IL25: variants seen among roughly 807,000 people sequenced by gnomAD.
The protein encoded by IL25 is interleukin 25, also known as interleukin-25.
A neutral mutation model predicts 13.2 loss-of-function variants in IL25; 10 were observed. The observed-to-expected ratio is 0.76, with a 90% CI of 0.47 to 1.29. IL25 has a LOEUF of 1.29. Among genes scored for constraint, IL25 ranks in the 50% most tolerant of loss-of-function variants. The pLI, the probability that IL25 is intolerant of heterozygous loss-of-function variation, is 0.00. For missense variants in IL25, 235 were observed against 232.4 expected (o/e 1.01, Z -0.07); for synonymous variants, 107 against 92.1 (o/e 1.16, Z -0.93).
exon 2 of IL25, chr14:23,375,667 C>T (rs766959581): frequency 8.0e-5 from 129 of 1,614,120 alleles, no homozygotes; most frequent in South Asian, 3.7e-4. Context: ...ACCTGTACCA[C>T]GCCCGTTGCC....
chr14:23,373,384 C>T (rs375583462), exon 1 of IL25: 4 of 1,609,914 alleles, frequency 2.5e-6, no homozygotes, highest in Non-Finnish European at 2.5e-6. Flanking sequence ...GCCATCTCCC[C>T]CTGGAGATAT....
chr14:23,373,382 C>T (rs780213427), exon 1 of IL25: 1 of 1,610,148 alleles, frequency 6.2e-7, no homozygotes, highest in South Asian at 1.1e-5. Flanking sequence ...GGGCCATCTC[C>T]CCCTGGAGAT....
Position 23,375,813 on chromosome 14 carries a change from G to T in IL25, c.467G>T (p.Cys156Phe). The change falls in exon 2 of 2, where the codon TGC becomes TTC. Residue 156 changes from cysteine to phenylalanine, a missense_variant. By Grantham distance (205) the Cys-to-Phe change is radical. Coordinates refer to ENST00000329715, the Ensembl canonical transcript of IL25. ...GAGAAGGGCACCCACAAGGGCTACT[G>T]CCTGGAGCGCAGGCTGTACCGTGTT... The T allele has an allele frequency of 6.2e-7, 1 of 1,614,262 alleles. No individual in the cohort carries two copies. Among genetic ancestry groups the T allele is most frequent in the Non-Finnish European group, 8.5e-7 (1 of 1,180,042 alleles).
intron 1 of IL25, 129 bp downstream of exon 2, chr14:23,373,525 A>G (rs1890469554): frequency 5.1e-6 from 4 of 780,058 alleles, no homozygotes; most frequent in Non-Finnish European, 8.0e-6. Context: ...TGGGAGTTAG[A>G]CAAGGTCTGT....
exon 1 of IL25, chr14:23,373,187 C>G (rs757289440): frequency 3.1e-6 from 5 of 1,614,220 alleles, no homozygotes; most frequent in Non-Finnish European, 4.2e-6. Context: ...TGGTTGCATT[C>G]TTGGCAATGG....
intron 1 of IL25, among the ~76,000 whole-genome samples, chr14:23,373,844 T>C (rs550349410): frequency 6.6e-6 from 1 of 152,316 alleles, no homozygotes; most frequent in South Asian, 2.1e-4. Flanking sequence ...GTTATAAGCA[T>C]ACTAAAGGAG....
exon 2 of IL25, chr14:23,376,073 C>G: frequency 1.4e-6 from 1 of 701,184 alleles, no homozygotes; most frequent in Non-Finnish European, 2.3e-6. Flanking sequence ...GCAGCTGCTG[C>G]TTAGGGCCGC....
exon 2 of IL25, chr14:23,375,787 C>T (rs779371825): frequency 1.4e-5 from 22 of 1,614,224 alleles, no homozygotes; most frequent in East Asian, 6.7e-5. Flanking sequence ...CATGCCATGG[C>T]GAGAAGGGCA....
exon 2 of IL25, chr14:23,375,841 C>T (rs1299928262): frequency 1.2e-6 from 2 of 1,614,240 alleles, no homozygotes; most frequent in Admixed American, 3.3e-5. Context: ...ACCGTGTTTC[C>T]TTAGCTTGTG....
intron 1 of IL25, among the ~76,000 whole-genome samples, chr14:23,373,934 A>G (rs10135798): frequency 0.04 from 6,040 of 152,274 alleles, 137 homozygotes; most frequent in African/African-American, 0.063. Context: ...TGGGTACTGT[A>G]TTCTTTCACT....
exon 2 of IL25, chr14:23,376,050 C>A: frequency 1.2e-6 from 1 of 855,116 alleles, no homozygotes; most frequent in Non-Finnish European, 1.8e-6. Context: ...CACTTCTGCA[C>A]ATTTTGAAAA....
chr14:23,374,913 C>T (rs1320022597), intron 1 of IL25, among the ~76,000 whole-genome samples: 2 of 152,096 alleles, frequency 1.3e-5, no homozygotes, highest in Non-Finnish European at 2.9e-5. Flanking sequence ...ACTCTTTATA[C>T]TCTTTAATAC....
intron 1 of IL25, among the ~76,000 whole-genome samples, chr14:23,375,013 T>C (rs1418863835): frequency 6.6e-6 from 1 of 152,146 alleles, no homozygotes; most frequent in East Asian, 1.9e-4. Flanking sequence ...CTCATGCCTG[T>C]AATCCCAGCA....
rs745933707 is a variant in IL25 at position 23,373,325 on chromosome 14, C to A, written c.207C>A (p.Arg69=). The change falls in exon 1 of 2, where the codon CGC becomes CGA. Residue 69 remains arginine (R), a synonymous_variant. Coordinates refer to ENST00000329715, the Ensembl canonical transcript of IL25. Reference sequence around the variant, plus strand: ...CCCTAGAGCCTGCTAGGCCCAACCGCCACCCAGAGTCCTGTAGGGCCAGTG... The same window carrying A: ...CCCTAGAGCCTGCTAGGCCCAACCGACACCCAGAGTCCTGTAGGGCCAGTG... 1.5e-5 allele frequency: 25 copies of A among 1,613,996 alleles called. 1 individual carries two copies. In the South Asian group the frequency reaches 2.6e-4, roughly 17 times the overall value.
exon 1 of IL25, chr14:23,373,116 C>T: frequency 6.2e-7 from 1 of 1,613,992 alleles, no homozygotes; most frequent in Middle Eastern, 1.7e-4. Context: ...GGGGAGGGTG[C>T]AGATGAGGGA....
At chr14:23,372,963 C>A (rs760375108) in exon 1 of IL25, 24 of 1,613,714 alleles carry the variant, frequency 1.5e-5, no homozygotes, top group African/African-American at 2.7e-5. Context: ...GTGCAGTGCC[C>A]AGCATGTACC....
chr14:23,373,788 A>G (rs1890474824), intron 1 of IL25, among the ~76,000 whole-genome samples: 1 of 152,172 alleles, frequency 6.6e-6, no homozygotes, highest in African/African-American at 2.4e-5. Context: ...TACAGGCATG[A>G]AGCATCCCAA....
exon 2 of IL25, chr14:23,375,832 C>T: frequency 1.9e-6 from 3 of 1,614,226 alleles, no homozygotes; most frequent in African/African-American, 1.3e-5. Flanking sequence ...GCAGGCTGTA[C>T]CGTGTTTCCT....
exon 1 of IL25, chr14:23,372,892 C>A: frequency 7.1e-7 from 1 of 1,414,454 alleles, no homozygotes; most frequent in Non-Finnish European, 9.9e-7. Flanking sequence ...GGACTCCTAA[C>A]CTGCTCCAGT....
Sources: allele counts gnomAD v4.1 joint callset (sites outside exome capture counted in the v4.1 genomes callset), GRCh38; gene constraint gnomAD v4.1.1; transcripts MANE v1.5; gene names NCBI Gene and HGNC (gene_info 2026-07-23, HGNC 2026-07-21).